LANCL3: variants seen among roughly 807,000 people sequenced by gnomAD.
LANCL3 encodes the protein lanC-like protein 3.
LANCL3 carries 19 observed loss-of-function variants against 26.5 expected under a neutral mutation model. The ratio of observed to expected loss-of-function variants is 0.72; its 90% CI spans 0.50 to 1.05. The LOEUF is 1.05. Among genes scored for constraint, LANCL3 ranks in the 50% least tolerant of loss-of-function variants. The pLI, the probability that LANCL3 is intolerant of heterozygous loss-of-function variation, is 0.00. For synonymous variants in LANCL3, 160 were observed against 166.6 expected (o/e 0.96, Z 0.30); for missense variants, 318 against 362.7 (o/e 0.88, Z 1.00).
At chrX:37,616,144 G>C (rs1275444378) in intron 1 of LANCL3, among the ~76,000 whole-genome samples, 1 of 110,789 alleles carries the variant, frequency 9.0e-6, no homozygotes, top group African/African-American at 3.3e-5. Flanking sequence ...CAAATTTAGT[G>C]TTCTCTATAA....
chrX:37,599,337 G>A (rs1924520555), intron 1 of LANCL3, among the ~76,000 whole-genome samples: 1 of 112,234 alleles, frequency 8.9e-6, no homozygotes, highest in Non-Finnish European at 1.9e-5. Context: ...GATCCTAGTG[G>A]TTCTGAAATT....
chrX:37,591,123 C>A (rs1316390171), intron 1 of LANCL3, among the ~76,000 whole-genome samples: 9 of 111,806 alleles, frequency 8.0e-5, no homozygotes, highest in East Asian at 2.8e-4. Flanking sequence ...ACAGGTGAGA[C>A]AATTGTGACT....
chrX:37,635,159 T>A (rs978772915), intron 1 of LANCL3, among the ~76,000 whole-genome samples: 3 of 111,618 alleles, frequency 2.7e-5, no homozygotes, highest in African/African-American at 9.8e-5. Context: ...ACCTGGAACT[T>A]TAGAGCAAGA....
chrX:37,573,978 C>CT (rs782602955), intron 1 of LANCL3, among the ~76,000 whole-genome samples: 2,754 of 77,610 alleles, frequency 0.035, 106 homozygotes, highest in African/African-American at 0.12. Flanking sequence ...CAAACCAGGT[C>CT]TTTTTTTTTT....
chrX:37,579,145 C>G (rs1923831058), intron 1 of LANCL3, among the ~76,000 whole-genome samples: 1 of 110,661 alleles, frequency 9.0e-6, no homozygotes, highest in Non-Finnish European at 1.9e-5. Context: ...CATTGGACAT[C>G]TTTGCATATT....
intron 3 of LANCL3, among the ~76,000 whole-genome samples, chrX:37,662,124 G>A: frequency 8.9e-6 from 1 of 111,756 alleles, no homozygotes; most frequent in Non-Finnish European, 1.9e-5. Flanking sequence ...CATTCCTGAG[G>A]GCTGTTCCTC....
At chrX:37,674,588 C>G (rs1028530402) in intron 4 of LANCL3, among the ~76,000 whole-genome samples, 1 of 111,246 alleles carries the variant, frequency 9.0e-6, no homozygotes, top group African/African-American at 3.3e-5. Flanking sequence ...GTAACTCTTA[C>G]GATGCATTAA....
intron 1 of LANCL3, among the ~76,000 whole-genome samples, chrX:37,572,844 G>A (rs1249449693): frequency 8.9e-6 from 1 of 111,896 alleles, no homozygotes; most frequent in Non-Finnish European, 1.9e-5. Flanking sequence ...GAAAGTAATG[G>A]AACTTTTCGG....
chrX:37,603,243 G>A (rs1235708439), intron 1 of LANCL3, among the ~76,000 whole-genome samples: 1 of 112,267 alleles, frequency 8.9e-6, no homozygotes, highest in African/African-American at 3.2e-5. Flanking sequence ...CAATGTGGTA[G>A]AGATATCAGA....
At chrX:37,626,603 G>A (rs1184596173) in intron 1 of LANCL3, among the ~76,000 whole-genome samples, 2 of 111,815 alleles carry the variant, frequency 1.8e-5, no homozygotes, top group Non-Finnish European at 3.8e-5. Context: ...GATATTTTAA[G>A]ACTGATTTTG....
intron 4 of LANCL3, among the ~76,000 whole-genome samples, chrX:37,671,683 G>A (rs782019821): frequency 4.5e-5 from 5 of 111,378 alleles, no homozygotes; most frequent in African/African-American, 6.5e-5. Flanking sequence ...CACTTTCTAC[G>A]TATATCTCCT....
intron 1 of LANCL3, among the ~76,000 whole-genome samples, chrX:37,586,177 G>A (rs1924073387): frequency 8.9e-6 from 1 of 112,046 alleles, no homozygotes; most frequent in East Asian, 2.8e-4. Context: ...CTGTGAGTTT[G>A]ATGGGCTTCC....
intron 2 of LANCL3, 88 bp downstream of exon 2, chrX:37,655,899 A>G: frequency 4.6e-6 from 4 of 872,931 alleles, no homozygotes; most frequent in Admixed American, 3.0e-5. Context: ...TGTTTTTGCC[A>G]TAGGTCATTA....
intron 1 of LANCL3, among the ~76,000 whole-genome samples, chrX:37,628,770 T>C (rs372355011): frequency 9.1e-6 from 1 of 109,513 alleles, no homozygotes; most frequent in African/African-American, 3.3e-5. Flanking sequence ...CTACAAAGGA[T>C]ATGAACTCAT....
chrX:37,581,972 C>G (rs1164205914), intron 1 of LANCL3, among the ~76,000 whole-genome samples: 1 of 110,197 alleles, frequency 9.1e-6, no homozygotes, highest in Admixed American at 9.6e-5. Flanking sequence ...TGATGTTCCC[C>G]TTCCTGTGTC....
chrX:37,614,225 C>A (rs904124033), intron 1 of LANCL3, among the ~76,000 whole-genome samples: 4 of 111,633 alleles, frequency 3.6e-5, no homozygotes, highest in African/African-American at 1.3e-4. Flanking sequence ...CCATGATTCT[C>A]AATCATGGCT....
Sources: gnomAD v4.1 joint callset for allele counts (sites outside exome capture counted in the v4.1 genomes callset) on GRCh38, gnomAD v4.1.1 for gene constraint, MANE v1.5 for transcripts, NCBI Gene and HGNC (gene_info 2026-07-23, HGNC 2026-07-21) for gene names.